FAM135A: variants seen among roughly 807,000 people sequenced by gnomAD.
FAM135A encodes family with sequence similarity 135 member A.
In FAM135A, 79 loss-of-function variants were observed where a neutral mutation model predicts 146.8. The ratio of observed to expected loss-of-function variants is 0.54; its 90% CI spans 0.45 to 0.65. The LOEUF (loss-of-function observed/expected upper bound fraction) is 0.65, where lower values mean the gene tolerates loss of function less well. FAM135A is among the 30% of genes least tolerant of loss of function. The pLI is 0.00. For missense variants in FAM135A, 1,623 were observed against 1,758.2 expected (o/e 0.92, Z 1.38); for synonymous variants, 562 against 603.6 (o/e 0.93, Z 1.01).
chr6:70,417,751 C>T (rs765325446), intron 2 of FAM135A: 116 of 373,112 alleles, frequency 3.1e-4, no homozygotes, highest in Non-Finnish European at 3.9e-4. Context: ...CTATAAATGT[C>T]TAAGCAGCAA....
At chr6:70,488,372 A>G (rs1263840466) in intron 10 of FAM135A, among the ~76,000 whole-genome samples, 1 of 152,100 alleles carries the variant, frequency 6.6e-6, no homozygotes, top group Non-Finnish European at 1.5e-5. Context: ...TTTATAAAAC[A>G]GTGACTCCAA....
At chr6:70,519,138 T>G (rs532175358) in intron 12 of FAM135A, among the ~76,000 whole-genome samples, 5 of 152,250 alleles carry the variant, frequency 3.3e-5, no homozygotes, top group African/African-American at 1.2e-4. Flanking sequence ...TTGGAAGAGG[T>G]TGATTCTAAC....
chr6:70,446,408 A>T lies in FAM135A; in HGVS notation c.78-6084A>T, dbSNP rs559690677. Among the ~76,000 whole-genome samples, 10 of 152,346 alleles carry T rather than the reference A, an allele frequency of 6.6e-5. No individual in the cohort carries two copies. In the South Asian group the frequency reaches 1.2e-3, roughly 19 times the overall value. ...CATCTGAACATAGTGTGACCGTGGC[A>T]TGCAGACTGAGAGGTGCAATTCAAG... On this transcript the variant is annotated intron_variant, in intron 4 of 21. Coordinates refer to ENST00000418814, the MANE Select transcript of FAM135A (RefSeq NM_001162529.3).
chr6:70,430,253 C>G (rs1321493481), intron 4 of FAM135A, among the ~76,000 whole-genome samples: 1 of 152,022 alleles, frequency 6.6e-6, no homozygotes. Flanking sequence ...AGAAGAATTG[C>G]TTGAACCCAG....
At chr6:70,539,447 AT>A (rs1236551247) in intron 20 of FAM135A, among the ~76,000 whole-genome samples, 1 of 152,230 alleles carries the variant, frequency 6.6e-6, no homozygotes, top group East Asian at 1.9e-4. Context: ...GACAAACTTT[AT>A]TAATTCAAAA....
chr6:70,486,941 C>A (rs2128203750), intron 10 of FAM135A, among the ~76,000 whole-genome samples: 1 of 150,728 alleles, frequency 6.6e-6, no homozygotes, highest in Admixed American at 6.6e-5. Flanking sequence ...AAAAACTAAA[C>A]CTAGTTTTCT....
At chr6:70,471,321 G>A (rs1394360196) in intron 5 of FAM135A, among the ~76,000 whole-genome samples, 1 of 152,168 alleles carries the variant, frequency 6.6e-6, no homozygotes, top group Non-Finnish European at 1.5e-5. Flanking sequence ...TTAAGAGAAA[G>A]TAAGGGGATA....
chr6:70,528,176 A>G (rs1166732783), intron 15 of FAM135A, 116 bp from the exon 16 acceptor site: 4 of 904,406 alleles, frequency 4.4e-6, no homozygotes, highest in Non-Finnish European at 1.6e-6. Context: ...ACATATTTTC[A>G]TGGTTTTAAA....
intron 5 of FAM135A, among the ~76,000 whole-genome samples, chr6:70,474,221 T>C (rs901777071): frequency 1.4e-4 from 21 of 152,212 alleles, no homozygotes; most frequent in African/African-American, 4.3e-4. Context: ...TGGAGTCTTA[T>C]ATCCCATTTT....
intron 2 of FAM135A, among the ~76,000 whole-genome samples, chr6:70,415,990 G>GT (rs1255264864): frequency 2.0e-5 from 3 of 152,122 alleles, no homozygotes; most frequent in African/African-American, 7.2e-5. Context: ...AGACTGTGTA[G>GT]TAAGAGTATA....
In FAM135A at chr6:70,561,074, G is replaced by T. The variant is rs535423531; in HGVS notation, c.*1153G>T. On this transcript the variant is annotated 3_prime_UTR_variant, in exon 22 of 22. Transcript: ENST00000418814. Reference sequence around the variant, plus strand: ...CTAATTGTGACAGACAGAGGTTTTTGTAAGTATTTATTGTACAATTGATGC... The same window carrying T: ...CTAATTGTGACAGACAGAGGTTTTTTTAAGTATTTATTGTACAATTGATGC... 3.7e-4 allele frequency: 56 copies of T among 152,626 alleles called. No homozygotes were observed. The highest frequency in any genetic ancestry group is 7.5e-4 in the Non-Finnish European group (51 of 67,940). 9.5% of individuals were successfully genotyped at this position (152,626 alleles called of 1,614,324 possible).
At chr6:70,485,770 A>G (rs1379233503) in intron 10 of FAM135A, among the ~76,000 whole-genome samples, 1 of 152,144 alleles carries the variant, frequency 6.6e-6, no homozygotes, top group African/African-American at 2.4e-5. Flanking sequence ...CTGATGACAT[A>G]TAATTAAATA....
chr6:70,500,489 G>A (rs1391430804), intron 11 of FAM135A, among the ~76,000 whole-genome samples: 2 of 152,110 alleles, frequency 1.3e-5, no homozygotes, highest in South Asian at 2.1e-4. Flanking sequence ...CTGTCAATTC[G>A]TCAGTCTCAC....
At chr6:70,513,957 C>T (rs1170279636) in intron 12 of FAM135A, among the ~76,000 whole-genome samples, 4 of 151,422 alleles carry the variant, frequency 2.6e-5, no homozygotes, top group Non-Finnish European at 5.9e-5. Context: ...TATGATATGC[C>T]TTGTTGCAGT....
chr6:70,523,433 ATTC>A (rs1487012270), intron 13 of FAM135A, among the ~76,000 whole-genome samples: 20 of 152,140 alleles, frequency 1.3e-4, no homozygotes, highest in Non-Finnish European at 1.5e-5. Context: ...ATTTTATACT[ATTC>A]TTTGATTTGT....
chr6:70,471,493 T>C (rs1447777840), intron 5 of FAM135A, among the ~76,000 whole-genome samples: 1 of 152,108 alleles, frequency 6.6e-6, no homozygotes, highest in Non-Finnish European at 1.5e-5. Flanking sequence ...TTCTCACTTA[T>C]GAGTGGGAGC....
chr6:70,547,967 C>T (rs1310909971), intron 20 of FAM135A, among the ~76,000 whole-genome samples: 1 of 152,170 alleles, frequency 6.6e-6, no homozygotes, highest in Non-Finnish European at 1.5e-5. Flanking sequence ...TATTCACCCA[C>T]GGACTAGTTA....
In FAM135A at chr6:70,526,380, A is replaced by C; in HGVS notation, c.3296A>C (p.Tyr1099Ser). ...GATCAACAAATGGTTCAAAATGGGT[A>C]CTATGAAGAAACAGATTATTCAGCT... The part of the protein sequence containing the change: ...EQDQQMVQNG[Y>S]YEETDYSALD... The change falls in exon 15 of 22, where the codon TAC (tyrosine) becomes TCC (serine). Residue 1099 changes from tyrosine (Y) to serine (S), a missense_variant. Tyr to Ser is a moderately radical substitution (Grantham distance 144). This residue lies in a region of FAM135A where 1,061 missense variants were observed against 1,113.8 expected (regional missense o/e 0.95). Transcript: ENST00000418814. 1.2e-6 allele frequency: 2 copies of C among 1,613,672 alleles called. No individual in the cohort carries two copies. The highest frequency in any genetic ancestry group is 1.7e-6 in the Non-Finnish European group (2 of 1,179,688).
rs547356783 is a variant in FAM135A, at chr6:70,539,520, G to A, written c.4228+1119G>A. Among the ~76,000 whole-genome samples, 42 of 152,198 alleles carry A rather than the reference G, an allele frequency of 2.8e-4. No homozygotes were observed. In the East Asian group the frequency reaches 7.1e-3, roughly 26 times the overall value. On this transcript the variant is annotated intron_variant, in intron 20 of 21. Coordinates refer to ENST00000418814, the MANE Select transcript of FAM135A (RefSeq NM_001162529.3). ...AATACCTGCTATAGAAGCTCAGTTC[G>A]TCGTTTACTAAGTACCACCTAAAGT...
Sources: allele counts gnomAD v4.1 joint callset (sites outside exome capture counted in the v4.1 genomes callset), GRCh38; gene constraint gnomAD v4.1.1; regional missense constraint gnomAD v4.1.1; transcripts MANE v1.5; gene names NCBI Gene and HGNC (gene_info 2026-07-23, HGNC 2026-07-21).